The following SGCZ variants were observed in gnomAD, a reference collection of about 807,000 sequenced individuals.
SGCZ encodes sarcoglycan zeta.
In SGCZ, 40 loss-of-function variants were observed where a neutral mutation model predicts 41.3. That is an observed-to-expected ratio of 0.97 (90% CI 0.75 to 1.26). SGCZ has a LOEUF of 1.26. SGCZ is among the 50% of genes most tolerant of loss of function. The pLI is 0.00. For synonymous variants in SGCZ, 206 were observed against 137.5 expected, an observed-to-expected ratio of 1.50 and a Z score of -3.49; for missense variants, 552 against 369.8, an observed-to-expected ratio of 1.49 and a Z score of -4.04.
At chr8:14,899,021 T>A (rs532447284) in intron 1 of SGCZ, among the ~76,000 whole-genome samples, 1 of 152,346 alleles carries the variant, frequency 6.6e-6, no homozygotes, top group African/African-American at 2.4e-5. Context: ...AATATTGAAC[T>A]TTTTACCGTG....
chr8:14,790,950 G>A (rs1406121620), intron 1 of SGCZ, among the ~76,000 whole-genome samples: 1 of 150,728 alleles, frequency 6.6e-6, no homozygotes, highest in Non-Finnish European at 1.5e-5. Flanking sequence ...AGGATCTCTT[G>A]AACACGGGAG....
At chr8:15,182,394 C>A (rs539649796) in intron 1 of SGCZ, among the ~76,000 whole-genome samples, 1 of 152,228 alleles carries the variant, frequency 6.6e-6, no homozygotes, top group Non-Finnish European at 1.5e-5. Flanking sequence ...TATACTTAAG[C>A]ACACACCTAG....
intron 2 of SGCZ, among the ~76,000 whole-genome samples, chr8:14,492,996 T>A (rs1381411): frequency 6.6e-6 from 1 of 151,828 alleles, no homozygotes; most frequent in African/African-American, 2.4e-5. Flanking sequence ...ACCCCCCAAC[T>A]CTCTAACCTG....
chr8:14,977,300 G>A (rs1473460199), intron 1 of SGCZ, among the ~76,000 whole-genome samples: 1 of 152,162 alleles, frequency 6.6e-6, no homozygotes, highest in Non-Finnish European at 1.5e-5. Context: ...CCAGCATGGA[G>A]AACAGAGCTT....
chr8:15,197,925 T>C (rs1800781436), intron 1 of SGCZ, among the ~76,000 whole-genome samples: 2 of 150,720 alleles, frequency 1.3e-5, no homozygotes, highest in South Asian at 4.2e-4. Context: ...TAGATACACA[T>C]ACACCCATAT....
At chr8:14,989,515 A>G (rs1801935465) in intron 1 of SGCZ, among the ~76,000 whole-genome samples, 1 of 152,082 alleles carries the variant, frequency 6.6e-6, no homozygotes, top group African/African-American at 2.4e-5. Flanking sequence ...AATAAAGATA[A>G]GAGATTCATA....
intron 3 of SGCZ, among the ~76,000 whole-genome samples, chr8:14,313,631 T>A (rs999946783): frequency 3.3e-5 from 5 of 152,192 alleles, no homozygotes; most frequent in Admixed American, 2.0e-4. Context: ...CCACCATGCC[T>A]GGCTGGTCTG....
At position 14,121,186 on chromosome 8, in the gene SGCZ, A is replaced by G. The variant is rs183960432; in HGVS notation, c.548-12951T>C. Reference sequence around the variant, plus strand: ...ATGTTGAATATTGAACATAAAATTTAGTATTAACATATATTCAACATTCAA... The same window carrying G: ...ATGTTGAATATTGAACATAAAATTTGGTATTAACATATATTCAACATTCAA... On this transcript the variant is annotated intron_variant, in intron 5 of 7. Transcript: ENST00000382080. Among the ~76,000 whole-genome samples, 733 of 152,210 alleles carry G rather than the reference A, an allele frequency of 4.8e-3. 4 individuals carry two copies. The highest frequency in any genetic ancestry group is 7.8e-3 in the Non-Finnish European group (531 of 67,962).
chr8:14,495,037 C>G (rs1162361846), intron 2 of SGCZ, among the ~76,000 whole-genome samples: 1 of 152,116 alleles, frequency 6.6e-6, no homozygotes. Flanking sequence ...AGCTCCCATT[C>G]TGAACATGCT....
chr8:14,095,614 A>G (rs1197377718), intron 7 of SGCZ, among the ~76,000 whole-genome samples: 2 of 152,102 alleles, frequency 1.3e-5, no homozygotes, highest in Non-Finnish European at 2.9e-5. Flanking sequence ...ATGAAGTTTA[A>G]AGTAGTTTTT....
rs573399397 is a variant in SGCZ, at chr8:14,775,563, T to G, written c.40-220637A>C. Among the ~76,000 whole-genome samples, 24 of 152,056 alleles carry G rather than the reference T, an allele frequency of 1.6e-4. 1 individual carries two copies. The highest frequency in any genetic ancestry group is 3.4e-3 in the Middle Eastern group (1 of 294). On this transcript the variant is annotated intron_variant, in intron 1 of 7. Transcript: ENST00000382080. Reference sequence around the variant, plus strand: ...AAAATATACTGGTTCCACCTTCATATTATTTATAACGAATTAATAAAAATA... The same window carrying G: ...AAAATATACTGGTTCCACCTTCATAGTATTTATAACGAATTAATAAAAATA...
intron 2 of SGCZ, among the ~76,000 whole-genome samples, chr8:14,457,502 C>T (rs1221176975): frequency 6.6e-6 from 1 of 152,218 alleles, no homozygotes; most frequent in Non-Finnish European, 1.5e-5. Flanking sequence ...GAGGGCCTGA[C>T]ATCAGTCAGG....
At chr8:14,656,997 T>C (rs1723733350) in intron 1 of SGCZ, among the ~76,000 whole-genome samples, 1 of 151,952 alleles carries the variant, frequency 6.6e-6, no homozygotes, top group African/African-American at 2.4e-5. Context: ...ATATATAAAA[T>C]TTGTTTTAAA....
At chr8:14,175,307 A>T (rs1348526774) in intron 4 of SGCZ, among the ~76,000 whole-genome samples, 1 of 152,188 alleles carries the variant, frequency 6.6e-6, no homozygotes, top group Non-Finnish European at 1.5e-5. Flanking sequence ...TTCATAAAAA[A>T]GGAAATGAAG....
intron 2 of SGCZ, among the ~76,000 whole-genome samples, chr8:14,343,587 G>A (rs1236754704): frequency 6.6e-6 from 1 of 152,108 alleles, no homozygotes; most frequent in Non-Finnish European, 1.5e-5. Flanking sequence ...TAGTGCTGCA[G>A]AACAAAAATT....
chr8:14,843,678 G>C (rs1336940298), intron 1 of SGCZ, among the ~76,000 whole-genome samples: 3 of 150,842 alleles, frequency 2.0e-5, no homozygotes, highest in Non-Finnish European at 4.4e-5. Context: ...CCAAAACATA[G>C]GATATGATCT....
At chr8:14,563,595 G>C (rs1585083037) in intron 1 of SGCZ, among the ~76,000 whole-genome samples, 2 of 152,182 alleles carry the variant, frequency 1.3e-5, no homozygotes, top group South Asian at 4.1e-4. Flanking sequence ...CCACAGGTTT[G>C]CTTCTTTATA....
At chr8:14,249,270 A>G (rs1799205347) in intron 3 of SGCZ, among the ~76,000 whole-genome samples, 2 of 152,130 alleles carry the variant, frequency 1.3e-5, no homozygotes, top group South Asian at 4.1e-4. Context: ...TCAGGAGTGG[A>G]ACTTACACCA....
intron 1 of SGCZ, among the ~76,000 whole-genome samples, chr8:15,078,832 T>C (rs1805640468): frequency 6.7e-6 from 1 of 149,916 alleles, no homozygotes; most frequent in African/African-American, 2.5e-5. Flanking sequence ...CATAGTTACA[T>C]TTATAACTAT....
Sources: gnomAD v4.1 joint callset for allele counts (sites outside exome capture counted in the v4.1 genomes callset) on GRCh38, gnomAD v4.1.1 for gene constraint, MANE v1.5 for transcripts, NCBI Gene and HGNC (gene_info 2026-07-23, HGNC 2026-07-21) for gene names.